Variants in CYP2C19 observed in about 807,000 individuals in gnomAD.
CYP2C19 encodes cytochrome P450 2C19.
In CYP2C19, 59 loss-of-function variants were observed where a neutral mutation model predicts 40.9. The observed-to-expected ratio is 1.44, with a 90% CI of 1.17 to 1.79. CYP2C19 has a LOEUF of 1.79. CYP2C19 is among the 40% of genes most tolerant of loss of function. The pLI, the probability that CYP2C19 is intolerant of heterozygous loss-of-function variation, is 0.00. For missense variants in CYP2C19, 754 were observed against 596.9 expected, an observed-to-expected ratio of 1.26 and a Z score of -2.74; for synonymous variants, 253 against 208.7, an observed-to-expected ratio of 1.21 and a Z score of -1.83.
At chr10:94,829,310 G>A (rs569667933) in intron 6 of CYP2C19, among the ~76,000 whole-genome samples, 33 of 152,298 alleles carry the variant, frequency 2.2e-4, no homozygotes, top group Non-Finnish European at 4.0e-4. Flanking sequence ...CCAATCCGAA[G>A]TAGATTTGGT....
intron 3 of CYP2C19, 146 bp downstream of exon 3, chr10:94,775,685 C>T (rs1341369766): frequency 1.4e-6 from 2 of 1,393,748 alleles, no homozygotes; most frequent in Non-Finnish European, 2.0e-6. Context: ...AGCTGAGAGC[C>T]AAGGGAATTT....
At chr10:94,809,882 T>A (rs1254422119) in intron 5 of CYP2C19, among the ~76,000 whole-genome samples, 1 of 152,026 alleles carries the variant, frequency 6.6e-6, no homozygotes, top group African/African-American at 2.4e-5. Context: ...TGTGTTTGTT[T>A]ATTTATTTAT....
intron 5 of CYP2C19, among the ~76,000 whole-genome samples, chr10:94,786,175 A>T (rs1021475840): frequency 2.0e-5 from 3 of 152,044 alleles, no homozygotes; most frequent in African/African-American, 4.8e-5. Flanking sequence ...CTGGGGTACG[A>T]TGACAAACCT....
intron 5 of CYP2C19, among the ~76,000 whole-genome samples, chr10:94,812,828 GT>G (rs1376948047): frequency 2.6e-5 from 4 of 151,946 alleles, no homozygotes; most frequent in Non-Finnish European, 5.9e-5. Flanking sequence ...GCTCAGTGGA[GT>G]TTGTTATTAC....
At chr10:94,834,223 C>T (rs1849368227) in intron 6 of CYP2C19, among the ~76,000 whole-genome samples, 2 of 152,120 alleles carry the variant, frequency 1.3e-5, no homozygotes, top group Admixed American at 1.3e-4. Flanking sequence ...CTGGTTCAAT[C>T]TCAATAGGTC....
At chr10:94,781,537 T>A (rs1440160562) in intron 4 of CYP2C19, among the ~76,000 whole-genome samples, 1 of 152,070 alleles carries the variant, frequency 6.6e-6, no homozygotes, top group East Asian at 1.9e-4. Context: ...AGAGAAGAAT[T>A]GTTGTAAAAA....
chr10:94,822,430 C>T (rs1047183785), intron 6 of CYP2C19, among the ~76,000 whole-genome samples: 2 of 152,140 alleles, frequency 1.3e-5, no homozygotes, highest in African/African-American at 4.8e-5. Flanking sequence ...ACAGTCTAAA[C>T]ATATCAGTGT....
At chr10:94,820,417 A>C (rs1005543608) in intron 5 of CYP2C19, 79 bp from the exon 6 acceptor site, 25 of 1,504,962 alleles carry the variant, frequency 1.7e-5, no homozygotes, top group Middle Eastern at 1.7e-4. Context: ...TAAGTATACA[A>C]TGTGAGTAAT....
At chr10:94,816,963 T>G (rs1849015738) in intron 5 of CYP2C19, among the ~76,000 whole-genome samples, 3 of 122,180 alleles carry the variant, frequency 2.5e-5, no homozygotes, top group Non-Finnish European at 5.2e-5. Flanking sequence ...CACATTTTCT[T>G]AATCCAGTCT....
intron 7 of CYP2C19, among the ~76,000 whole-genome samples, chr10:94,844,272 T>C (rs1849540383): frequency 2.0e-5 from 3 of 152,208 alleles, no homozygotes; most frequent in South Asian, 4.1e-4. Context: ...TTTCAGAGGA[T>C]GTTTATATTC....
intron 5 of CYP2C19, among the ~76,000 whole-genome samples, chr10:94,798,814 ATTT>A (rs61240923): frequency 0.18 from 11,988 of 67,656 alleles, 593 homozygotes; most frequent in South Asian, 0.38. Context: ...GCAACCCCTG[ATTT>A]TTTTTTTTTT....
chr10:94,794,322 C>A (rs929860859), intron 5 of CYP2C19, among the ~76,000 whole-genome samples: 2 of 152,130 alleles, frequency 1.3e-5, no homozygotes, highest in Non-Finnish European at 2.9e-5. Flanking sequence ...TGAGGCGATG[C>A]CCTGCCCTGC....
intron 6 of CYP2C19, among the ~76,000 whole-genome samples, chr10:94,839,926 T>A (rs1240542998): frequency 6.6e-6 from 1 of 152,212 alleles, no homozygotes; most frequent in Non-Finnish European, 1.5e-5. Context: ...GTTACCTTTT[T>A]CTAACCTTAT....
chr10:94,763,845 G>A (rs1002975977), intron 1 of CYP2C19, among the ~76,000 whole-genome samples: 11 of 152,064 alleles, frequency 7.2e-5, no homozygotes, highest in Non-Finnish European at 1.3e-4. Flanking sequence ...ACGGACCCTC[G>A]TGGTGAGTGC....
At chr10:94,831,664 C>T (rs1849337282) in intron 6 of CYP2C19, among the ~76,000 whole-genome samples, 5 of 152,178 alleles carry the variant, frequency 3.3e-5, no homozygotes, top group South Asian at 2.1e-4. Context: ...TGGTGTTGAC[C>T]ACCTTTTTGT....
rs571952980 is a variant in CYP2C19 at position 94,797,410 on chromosome 10, AT to A, written c.819+15418del. On this transcript the variant is annotated intron_variant, in intron 5 of 8. Transcript: ENST00000371321. ...TCGGTTTGCCAGTATTTTTTTGAAG[AT>A]TTTTGCATCGATGTTCTTCAGGCAT... 3.1e-3 allele frequency among the ~76,000 whole-genome samples: 472 copies of A among 151,810 alleles called. 3 individuals are homozygous for A. The highest frequency in any genetic ancestry group is 0.011 in the African/African-American group (450 of 41,424).
intron 5 of CYP2C19, among the ~76,000 whole-genome samples, chr10:94,811,637 A>C (rs533342399): frequency 3.3e-5 from 5 of 151,274 alleles, no homozygotes; most frequent in Admixed American, 1.3e-4. Context: ...ATTATATGAT[A>C]CCACCCCTTT....
chr10:94,787,482 A>T (rs968278130), intron 5 of CYP2C19, among the ~76,000 whole-genome samples: 4 of 152,122 alleles, frequency 2.6e-5, no homozygotes, highest in African/African-American at 9.6e-5. Flanking sequence ...CTTGCTGTGC[A>T]GAAGCTCTTT....
chr10:94,801,227 T>C (rs1299792577), intron 5 of CYP2C19, among the ~76,000 whole-genome samples: 1 of 152,226 alleles, frequency 6.6e-6, no homozygotes, highest in Non-Finnish European at 1.5e-5. Context: ...CTTGTGGACA[T>C]TTAGCGGTAT....
Sources: allele counts gnomAD v4.1 joint callset (sites outside exome capture counted in the v4.1 genomes callset), GRCh38; gene constraint gnomAD v4.1.1; transcripts MANE v1.5; gene names NCBI Gene and HGNC (gene_info 2026-07-23, HGNC 2026-07-21).